DPY19L1: variants seen among roughly 807,000 people sequenced by gnomAD.
DPY19L1 encodes protein C-mannosyl-transferase DPY19L1.
DPY19L1 carries 35 observed loss-of-function variants against 96.9 expected under a neutral mutation model. The ratio of observed to expected loss-of-function variants is 0.36; its 90% CI spans 0.28 to 0.48. DPY19L1 has a LOEUF of 0.48. Among genes scored for constraint, DPY19L1 ranks in the 20% least tolerant of loss-of-function variants. DPY19L1 has a pLI of 0.99. For synonymous variants in DPY19L1, 205 were observed against 252.6 expected, an observed-to-expected ratio of 0.81 and a Z score of 1.79; for missense variants, 521 against 777.9, an observed-to-expected ratio of 0.67 and a Z score of 3.93.
chr7:34,993,174 C>G (rs950146504), intron 6 of DPY19L1, among the ~76,000 whole-genome samples: 1 of 152,138 alleles, frequency 6.6e-6, no homozygotes, highest in Non-Finnish European at 1.5e-5. Flanking sequence ...TGATATTTTC[C>G]TTTATTTCTT....
intron 6 of DPY19L1, among the ~76,000 whole-genome samples, chr7:35,006,739 G>C (rs1785566291): frequency 1.3e-5 from 2 of 152,266 alleles, no homozygotes; most frequent in South Asian, 2.1e-4. Context: ...CCTCAAGTTA[G>C]AGCTTGGCAG....
chr7:34,933,197 GA>G (rs1478438666), intron 21 of DPY19L1, among the ~76,000 whole-genome samples: 1 of 152,074 alleles, frequency 6.6e-6, no homozygotes, highest in East Asian at 1.9e-4. Context: ...TGGTTACACG[GA>G]TAAGTTATTC....
intron 6 of DPY19L1, among the ~76,000 whole-genome samples, chr7:35,009,470 A>T (rs1785647721): frequency 6.6e-6 from 1 of 152,224 alleles, no homozygotes; most frequent in Admixed American, 6.5e-5. Flanking sequence ...TTTTAGTTTT[A>T]GGAATGCTGC....
chr7:35,037,703 G>GGCCCCGCCCCCGCC (rs1394757354), upstream of DPY19L1: 4 of 512,728 alleles, frequency 7.8e-6, no homozygotes, highest in African/African-American at 8.4e-5. Flanking sequence ...GAGCGGCCGC[G>GGCCCCGCCCCCGCC]GCCCCGCCCC....
intron 10 of DPY19L1, among the ~76,000 whole-genome samples, chr7:34,959,345 C>T (rs1784443583): frequency 6.6e-6 from 1 of 152,080 alleles, no homozygotes; most frequent in South Asian, 2.1e-4. Flanking sequence ...ACCATTTGAC[C>T]CAGCAATCCC....
chr7:34,957,143 G>A (rs1243147264), intron 11 of DPY19L1, among the ~76,000 whole-genome samples: 1 of 151,310 alleles, frequency 6.6e-6, no homozygotes, highest in African/African-American at 2.4e-5. Context: ...AGCACTTTGG[G>A]AGGCCGAGGT....
chr7:34,989,586 A>C (rs1471891354), intron 7 of DPY19L1, among the ~76,000 whole-genome samples: 2 of 152,028 alleles, frequency 1.3e-5, no homozygotes, highest in East Asian at 3.9e-4. Context: ...CTACCACTGC[A>C]CTCCAGACTG....
intron 4 of DPY19L1, among the ~76,000 whole-genome samples, 162 bp downstream of exon 4, chr7:35,013,406 A>C (rs1276555676): frequency 6.6e-6 from 1 of 152,230 alleles, no homozygotes; most frequent in Non-Finnish European, 1.5e-5. Flanking sequence ...CCTCAAAATC[A>C]GTAATGATCT....
chr7:34,942,877 T>C lies in DPY19L1; in HGVS notation c.1545-238A>G, dbSNP rs753222384. 2.6e-5 allele frequency among the ~76,000 whole-genome samples: 4 copies of C among 152,202 alleles called. No homozygotes were observed. Among genetic ancestry groups the C allele is most frequent in the Non-Finnish European group, 5.9e-5 (4 of 68,042 alleles). ...TCCTATTTGACTACATGGGTATTTA[T>C]TAGGACAACAAAGGCACACGGTGGT... On this transcript the variant is annotated intron_variant, in intron 16 of 21. Transcript: ENST00000638088.
chr7:35,023,777 G>A (rs1373609761), intron 1 of DPY19L1, among the ~76,000 whole-genome samples: 1 of 149,520 alleles, frequency 6.7e-6, no homozygotes, highest in Non-Finnish European at 1.5e-5. Flanking sequence ...GGCATTTAAT[G>A]ACCTTGTCTT....
intron 13 of DPY19L1, among the ~76,000 whole-genome samples, chr7:34,952,380 G>A (rs2128785101): frequency 6.6e-6 from 1 of 152,172 alleles, no homozygotes; most frequent in Admixed American, 6.5e-5. Flanking sequence ...GCTTCCTAAT[G>A]AAATTGAATT....
intron 2 of DPY19L1, 80 bp downstream of exon 2, chr7:35,018,492 T>C (rs1229990394): frequency 7.8e-7 from 1 of 1,281,232 alleles, no homozygotes; most frequent in African/African-American, 1.5e-5. Flanking sequence ...CTGAAATTAT[T>C]CCTTTAAATG....
At chr7:34,983,881 T>C (rs1233866058) in intron 7 of DPY19L1, among the ~76,000 whole-genome samples, 1 of 152,108 alleles carries the variant, frequency 6.6e-6, no homozygotes, top group African/African-American at 2.4e-5. Context: ...AAGTGTTCAA[T>C]GAACAAAGCA....
chr7:34,981,572 A>G (rs777872403), intron 7 of DPY19L1, among the ~76,000 whole-genome samples: 17 of 152,228 alleles, frequency 1.1e-4, no homozygotes, highest in East Asian at 3.8e-4. Flanking sequence ...TGTAAATTCA[A>G]TAACAGGACA....
chr7:34,950,141 C>T (rs1784240617), intron 13 of DPY19L1, among the ~76,000 whole-genome samples: 1 of 152,060 alleles, frequency 6.6e-6, no homozygotes, highest in African/African-American at 2.4e-5. Flanking sequence ...AAGGCTTTTT[C>T]CCTTGGGTTT....
At chr7:35,015,081 G>C (rs997430316) in intron 3 of DPY19L1, among the ~76,000 whole-genome samples, 1 of 152,166 alleles carries the variant, frequency 6.6e-6, no homozygotes, top group African/African-American at 2.4e-5. Flanking sequence ...ATATATTTCT[G>C]CTGTTTTAAG....
intron 9 of DPY19L1, 26 bp from the exon 10 acceptor site, chr7:34,966,997 TA>T: frequency 6.8e-7 from 1 of 1,462,382 alleles, no homozygotes; most frequent in Non-Finnish European, 9.2e-7. Flanking sequence ...AAATTAGAAG[TA>T]AAAAAGATAA....
intron 1 of DPY19L1, among the ~76,000 whole-genome samples, chr7:35,034,584 C>T (rs377192153): frequency 9.2e-5 from 14 of 152,282 alleles, no homozygotes; most frequent in African/African-American, 3.4e-4. Flanking sequence ...AGAGACTTTT[C>T]AACAATGCTT....
intron 10 of DPY19L1, among the ~76,000 whole-genome samples, chr7:34,960,853 G>A (rs1370704562): frequency 1.3e-5 from 2 of 151,946 alleles, no homozygotes; most frequent in Non-Finnish European, 2.9e-5. Flanking sequence ...AATATCAAAG[G>A]CAATTATTAT....
Sources: gnomAD v4.1 joint callset for allele counts (sites outside exome capture counted in the v4.1 genomes callset) on GRCh38, gnomAD v4.1.1 for gene constraint, MANE v1.5 for transcripts, NCBI Gene and HGNC (gene_info 2026-07-23, HGNC 2026-07-21) for gene names.